The following ANO2 variants were observed in gnomAD, a reference collection of about 807,000 sequenced individuals.
ANO2 encodes anoctamin-2.
A neutral mutation model predicts 124.2 loss-of-function variants in ANO2; 101 were observed. The ratio of observed to expected loss-of-function variants is 0.81; its 90% CI spans 0.69 to 0.96. The LOEUF is 0.96. Ranked by LOEUF, ANO2 falls within the 40% of genes least tolerant of loss-of-function variation. The probability of loss-of-function intolerance (pLI) is 0.00; values close to 1 mark genes in which losing one functional copy is unlikely to be tolerated. For synonymous variants in ANO2, 486 were observed against 482.5 expected (o/e 1.01, Z -0.09); for missense variants, 1,293 against 1,274.5 (o/e 1.01, Z -0.22).
At chr12:5,936,956 C>A (rs899200081) in intron 1 of ANO2, among the ~76,000 whole-genome samples, 51 of 152,214 alleles carry the variant, frequency 3.4e-4, no homozygotes, top group Middle Eastern at 3.4e-3. Flanking sequence ...AATTCTATAC[C>A]ATAAAGTGAC....
chr12:5,827,772 T>C lies in ANO2; in HGVS notation c.889A>G (p.Met297Val), dbSNP rs746966390. 3 of 1,611,022 alleles carry C rather than the reference T, an allele frequency of 1.9e-6. No individual in the cohort carries two copies. The highest frequency in any genetic ancestry group is 2.5e-6 in the Non-Finnish European group (3 of 1,178,838). Residue 297 changes from methionine to valine, a missense_variant, in exon 7 of 25, where the codon ATG becomes GTG. Physicochemically the swap from Met to Val is conservative, Grantham distance 21. Transcript: ENST00000682330. ...RTACSRANNT[M>V]GINSLIANNI... is the part of the protein sequence containing the mutation. Reference sequence around the variant, plus strand: ...GCCCGCGGGCTGGGGTCCTTACCCATCGTGTTGTTGGCTCGGGAGCAGGCT... The same window carrying C: ...GCCCGCGGGCTGGGGTCCTTACCCACCGTGTTGTTGGCTCGGGAGCAGGCT...
chr12:5,917,869 C>T (rs940765643), intron 3 of ANO2, among the ~76,000 whole-genome samples: 1 of 152,076 alleles, frequency 6.6e-6, no homozygotes, highest in Non-Finnish European at 1.5e-5. Flanking sequence ...GCAACCAGAC[C>T]TGTTATTTCC....
intron 1 of ANO2, among the ~76,000 whole-genome samples, chr12:5,930,871 T>C (rs911809663): frequency 3.3e-5 from 5 of 152,098 alleles, no homozygotes; most frequent in African/African-American, 1.2e-4. Context: ...CACACACACA[T>C]AAAATCCATT....
intron 14 of ANO2, among the ~76,000 whole-genome samples, chr12:5,656,139 G>A (rs1947140827): frequency 1.3e-5 from 2 of 152,110 alleles, no homozygotes; most frequent in Admixed American, 1.3e-4. Context: ...GAAGTTAGAG[G>A]GAACACAGGG....
intron 20 of ANO2, among the ~76,000 whole-genome samples, chr12:5,578,841 C>CT (rs1407403350): frequency 1.3e-5 from 2 of 152,156 alleles, no homozygotes; most frequent in African/African-American, 4.8e-5. Flanking sequence ...GTTTGGTAAA[C>CT]TTTTTTAGTA....
At chr12:5,687,325 C>T (rs997659199) in intron 14 of ANO2, among the ~76,000 whole-genome samples, 2 of 152,206 alleles carry the variant, frequency 1.3e-5, no homozygotes, top group African/African-American at 4.8e-5. Context: ...TAAGTAAATA[C>T]GAATGAACGC....
At chr12:5,738,072 T>G (rs779856519) in intron 13 of ANO2, among the ~76,000 whole-genome samples, 73 of 152,300 alleles carry the variant, frequency 4.8e-4, no homozygotes, top group Non-Finnish European at 8.7e-4. Context: ...AAAGGCTATA[T>G]CATTACATCT....
At chr12:5,776,830 G>A (rs142083562) in intron 10 of ANO2, among the ~76,000 whole-genome samples, 111 of 152,310 alleles carry the variant, frequency 7.3e-4, no homozygotes, top group African/African-American at 2.3e-3. Context: ...GGTTAAGTCC[G>A]TGGTCACACA....
intron 3 of ANO2, among the ~76,000 whole-genome samples, chr12:5,917,671 A>G (rs1279334626): frequency 6.7e-6 from 1 of 149,982 alleles, no homozygotes; most frequent in Non-Finnish European, 1.5e-5. Flanking sequence ...GAGTTCAGGC[A>G]ATCCTCCTGC....
At chr12:5,653,299 A>G (rs1348921477) in intron 14 of ANO2, among the ~76,000 whole-genome samples, 1 of 152,226 alleles carries the variant, frequency 6.6e-6, no homozygotes, top group African/African-American at 2.4e-5. Flanking sequence ...ACTGGCTTCT[A>G]TCAAAATGTT....
At chr12:5,596,299 T>C (rs1356618816) in intron 20 of ANO2, among the ~76,000 whole-genome samples, 1 of 152,206 alleles carries the variant, frequency 6.6e-6, no homozygotes, top group East Asian at 1.9e-4. Flanking sequence ...GCTATTCATT[T>C]TGAATGTTAT....
chr12:5,667,382 G>T (rs1480666439), intron 14 of ANO2, among the ~76,000 whole-genome samples: 3 of 152,042 alleles, frequency 2.0e-5, no homozygotes, highest in Non-Finnish European at 4.4e-5. Context: ...ACCTCTCCTG[G>T]TGTGGTCATT....
At chr12:5,592,654 G>T (rs1943459215) in intron 20 of ANO2, among the ~76,000 whole-genome samples, 1 of 152,192 alleles carries the variant, frequency 6.6e-6, no homozygotes, top group African/African-American at 2.4e-5. Context: ...TAAAAAGCAA[G>T]AAGGAAAGGT....
chr12:5,645,095 G>T (rs1463943384), intron 15 of ANO2, among the ~76,000 whole-genome samples: 3 of 151,626 alleles, frequency 2.0e-5, no homozygotes, highest in African/African-American at 7.2e-5. Flanking sequence ...TCTATGGATT[G>T]GTGTACTGCA....
intron 13 of ANO2, among the ~76,000 whole-genome samples, chr12:5,733,836 G>A (rs564135917): frequency 8.5e-5 from 13 of 152,300 alleles, no homozygotes; most frequent in African/African-American, 2.4e-4. Context: ...TCTGAATTCC[G>A]AAACTTTTAT....
intron 14 of ANO2, among the ~76,000 whole-genome samples, chr12:5,672,115 A>G (rs1335096542): frequency 6.6e-6 from 1 of 152,220 alleles, no homozygotes; most frequent in African/African-American, 2.4e-5. Flanking sequence ...CTGCAGGTCA[A>G]CTGACTCTTC....
intron 3 of ANO2, among the ~76,000 whole-genome samples, chr12:5,880,410 G>C (rs778259139): frequency 6.6e-6 from 1 of 150,976 alleles, no homozygotes; most frequent in Non-Finnish European, 1.5e-5. Flanking sequence ...GTGTGTGTAA[G>C]AAGAGCAAAG....
At chr12:5,932,823 G>A (rs1942476089) in intron 1 of ANO2, among the ~76,000 whole-genome samples, 1 of 152,218 alleles carries the variant, frequency 6.6e-6, no homozygotes, top group African/African-American at 2.4e-5. Context: ...AGGATCCATG[G>A]AAGCAGAAGC....
intron 10 of ANO2, among the ~76,000 whole-genome samples, chr12:5,793,798 C>T (rs1174269871): frequency 6.6e-6 from 1 of 152,208 alleles, no homozygotes; most frequent in Non-Finnish European, 1.5e-5. Context: ...CTACCTTGAA[C>T]TGGAGCTGGT....
Sources: allele counts gnomAD v4.1 joint callset (sites outside exome capture counted in the v4.1 genomes callset), GRCh38; gene constraint gnomAD v4.1.1; transcripts MANE v1.5; gene names NCBI Gene and HGNC (gene_info 2026-07-23, HGNC 2026-07-21).